ERCC6L: variants seen among roughly 807,000 people sequenced by gnomAD.
ERCC6L encodes the protein DNA excision repair protein ERCC-6-like.
ERCC6L carries 7 observed loss-of-function variants against 20.1 expected under a neutral mutation model. The observed-to-expected ratio is 0.35, with a 90% CI of 0.20 to 0.65. The LOEUF (loss-of-function observed/expected upper bound fraction) is 0.65, where lower values mean the gene tolerates loss of function less well. Among genes scored for constraint, ERCC6L ranks in the 30% least tolerant of loss-of-function variants. ERCC6L has a pLI of 0.69. For synonymous variants in ERCC6L, 278 were observed against 331.3 expected, an observed-to-expected ratio of 0.84 and a Z score of 1.75; for missense variants, 592 against 892.4, an observed-to-expected ratio of 0.66 and a Z score of 4.29.
In ERCC6L at chrX:72,238,953, A is replaced by T. The variant is rs774646554; in HGVS notation, c.-42T>A. 1.4e-5 allele frequency: 13 copies of T among 958,222 alleles called. No individual in the cohort carries two copies. The South Asian group carries it at 2.7e-4, about 20-fold the overall frequency. 79.0% of individuals were successfully genotyped at this position (958,222 alleles called of 1,213,427 possible). A position where few individuals can be genotyped will look rare whatever the true frequency, so the allele number is the denominator to read the frequency against. ...TCCAGTTACCCCGGCGGGAGTTTGG[A>T]GCTTGGAGCTTGGAGCTTGGAGCTT... On this transcript the variant is annotated 5_prime_UTR_variant, in exon 1 of 2. Transcript: ENST00000334463.
At chrX:72,233,218 A>T (rs1238686314) in intron 1 of ERCC6L, among the ~76,000 whole-genome samples, 1 of 111,884 alleles carries the variant, frequency 8.9e-6, no homozygotes, top group East Asian at 2.8e-4. Flanking sequence ...TATTCATGCC[A>T]AAAATATTGA....
intron 1 of ERCC6L, among the ~76,000 whole-genome samples, chrX:72,231,233 T>G (rs1420833926): frequency 8.9e-6 from 1 of 112,047 alleles, no homozygotes; most frequent in East Asian, 2.8e-4. Context: ...AATGAAAAAT[T>G]ATTCAGCCGT....
Position 72,206,972 on chromosome X carries a change from C to G in ERCC6L, c.1795G>C (p.Val599Leu), listed in dbSNP as rs2042824462. 2 of 1,210,727 alleles carry G rather than the reference C, an allele frequency of 1.7e-6. No individual in the cohort carries two copies. Among genetic ancestry groups the G allele is most frequent in the Non-Finnish European group, 2.2e-6 (2 of 895,176 alleles). ...TVEEKIYRRQ[V>L]FKDSLIRQTT... is the part of the protein sequence containing the mutation. ...TGTCTTATTAATGAGTCCTTGAAAA[C>G]CTGTCTTCTGTATATTTTTTCCTCT... Residue 599 changes from valine (V) to leucine (L), a missense_variant, in exon 2 of 2, where the codon GTT becomes CTT. This residue lies in a region of ERCC6L where 196 missense variants were observed against 440.1 expected (regional missense o/e 0.45). Transcript: ENST00000334463.
In ERCC6L at chrX:72,206,665, A is replaced by G. The variant is rs964737805; in HGVS notation, c.2102T>C (p.Val701Ala). 1.7e-6 allele frequency: 2 copies of G among 1,211,227 alleles called. No homozygotes were observed. Among genetic ancestry groups the G allele is most frequent in the Admixed American group, 4.4e-5 (2 of 45,967 alleles). The change falls in exon 2 of 2, where the codon GTT becomes GCT. Residue 701 changes from valine (V) to alanine (A), a missense_variant. Transcript: ENST00000334463. ...VEESHYIQQR[V>A]QKAQFLVEFE... Reference sequence around the variant, plus strand: ...TTCAACGAGGAATTGAGCTTTCTGAACCCTTTGTTGAATATAGTGAGATTC... The same window carrying G: ...TTCAACGAGGAATTGAGCTTTCTGAGCCCTTTGTTGAATATAGTGAGATTC...
intron 1 of ERCC6L, among the ~76,000 whole-genome samples, chrX:72,224,700 A>C (rs1476467711): frequency 9.0e-6 from 1 of 111,480 alleles, no homozygotes; most frequent in Non-Finnish European, 1.9e-5. Context: ...AGCCAAGATC[A>C]CGCCATTGTA....
At chrX:72,233,511 A>T (rs775041742) in intron 1 of ERCC6L, among the ~76,000 whole-genome samples, 2 of 109,602 alleles carry the variant, frequency 1.8e-5, no homozygotes, top group Admixed American at 2.0e-4. Flanking sequence ...ATCACTGGTC[A>T]GGAGTTCAGG....
chrX:72,222,681 T>C (rs1317859267), intron 1 of ERCC6L, among the ~76,000 whole-genome samples: 1 of 100,039 alleles, frequency 1.0e-5, no homozygotes, highest in Admixed American at 1.1e-4. Context: ...CACTGCAACC[T>C]CCGCCTCCCA....
chrX:72,224,918 C>A (rs2042945937), intron 1 of ERCC6L, among the ~76,000 whole-genome samples: 1 of 111,267 alleles, frequency 9.0e-6, no homozygotes. Context: ...TAATGGATTA[C>A]AGGGACTCAA....
chrX:72,212,380 C>T lies in ERCC6L; in HGVS notation c.69-3682G>A, dbSNP rs921412325. Among the ~76,000 whole-genome samples, 3 of 111,843 alleles carry T rather than the reference C, an allele frequency of 2.7e-5. No homozygotes were observed. The Admixed American group carries it at 2.9e-4, about 11-fold the overall frequency. ...ATTAACCTCTCAACATCTAATCCACCTCCCTTTGGAACTGGCTGATACCTT... is the reference window on the plus strand; with the variant it reads ...ATTAACCTCTCAACATCTAATCCACTTCCCTTTGGAACTGGCTGATACCTT... On this transcript the variant is annotated intron_variant, in intron 1 of 1. Transcript: ENST00000334463.
At position 72,208,410 on chromosome X, in the gene ERCC6L, T is replaced by C. The variant is rs901022791; in HGVS notation, c.357A>G (p.Ile119Met). 5.8e-6 allele frequency: 7 copies of C among 1,211,845 alleles called. No homozygotes were observed. Among genetic ancestry groups the C allele is most frequent in the Non-Finnish European group, 7.8e-6 (7 of 895,519 alleles). Reference protein sequence around the residue: ...SLYRDGRKGGILADDMGLGKT... With the variant: ...SLYRDGRKGGMLADDMGLGKT... ...TCCCTAATCCCATATCATCAGCCAA[T>C]ATACCACCTTTTCTTCCATCCCTAT... Residue 119 changes from isoleucine to methionine, a missense_variant, in exon 2 of 2, where the codon ATA becomes ATG. This residue lies in a region of ERCC6L where 196 missense variants were observed against 440.1 expected (regional missense o/e 0.45). Coordinates refer to ENST00000334463, the MANE Select transcript of ERCC6L (RefSeq NM_017669.4).
chrX:72,238,716 A>T, intron 1 of ERCC6L, 128 bp downstream of exon 1: 1 of 577,136 alleles, frequency 1.7e-6, no homozygotes, highest in Non-Finnish European at 2.7e-6. Flanking sequence ...TACTGCGAGA[A>T]GAGCGCGAGC....
At chrX:72,215,480 T>G (rs2042882716) in intron 1 of ERCC6L, among the ~76,000 whole-genome samples, 1 of 111,999 alleles carries the variant, frequency 8.9e-6, no homozygotes, top group African/African-American at 3.2e-5. Context: ...CAATTTACTT[T>G]GAAATGTATC....
Position 72,206,657 on chromosome X carries a change from C to T in ERCC6L, c.2110G>A (p.Ala704Thr). The change falls in exon 2 of 2, where the codon GCT becomes ACT. Residue 704 changes from alanine (A) to threonine (T), a missense_variant. Ala to Thr is a moderately conservative substitution (Grantham distance 58, BLOSUM62 0). Around this residue, in one of 3 missense-constraint regions of ERCC6L, gnomAD observed 352 missense variants for 402.6 expected, o/e 0.87. Coordinates refer to ENST00000334463, the MANE Select transcript of ERCC6L (RefSeq NM_017669.4). ...SHYIQQRVQK[A>T]QFLVEFESQN... ...GACTCGAATTCAACGAGGAATTGAG[C>T]TTTCTGAACCCTTTGTTGAATATAG... 8.3e-7 allele frequency: 1 copy of T among 1,211,555 alleles called. No individual in the cohort carries two copies.
Position 72,204,745 on chromosome X carries a change from C to A in ERCC6L, c.*269G>T. 5.0e-6 allele frequency: 1 copy of A among 199,707 alleles called. No individual in the cohort carries two copies. 16.5% of individuals were successfully genotyped at this position (199,707 alleles called of 1,213,427 possible). ...CTTTCAGAGTAAAATTAAGAATGAC[C>A]AGAATAATTTTACAAAACTTTCCAA... On this transcript the variant is annotated 3_prime_UTR_variant, in exon 2 of 2. Coordinates refer to ENST00000334463, the MANE Select transcript of ERCC6L (RefSeq NM_017669.4).
intron 1 of ERCC6L, among the ~76,000 whole-genome samples, chrX:72,218,169 C>T (rs1354308102): frequency 1.9e-5 from 2 of 108,032 alleles, no homozygotes; most frequent in Non-Finnish European, 3.8e-5. Context: ...ACTCAGGAGG[C>T]TGAGGCAGGA....
chrX:72,232,822 T>G, intron 1 of ERCC6L, among the ~76,000 whole-genome samples: 1 of 109,939 alleles, frequency 9.1e-6, no homozygotes, highest in South Asian at 3.9e-4. Flanking sequence ...GAAAAGAAAA[T>G]CACCACTTTG....
intron 1 of ERCC6L, 34 bp downstream of exon 1, chrX:72,238,810 G>A (rs2043032387): frequency 8.6e-7 from 1 of 1,157,539 alleles, no homozygotes; most frequent in Non-Finnish European, 1.2e-6. Flanking sequence ...GGGCCAGGTC[G>A]GTTAGCTAGA....
At chrX:72,238,823 C>A in intron 1 of ERCC6L, 21 bp downstream of exon 1, 1 of 1,175,140 alleles carries the variant, frequency 8.5e-7, no homozygotes, top group Non-Finnish European at 1.1e-6. Context: ...TAGCTAGACC[C>A]GCCCAGCGGT....
At chrX:72,232,764 C>T (rs891431874) in intron 1 of ERCC6L, among the ~76,000 whole-genome samples, 3 of 111,518 alleles carry the variant, frequency 2.7e-5, no homozygotes, top group East Asian at 2.8e-4. Context: ...GAGCTGAGAT[C>T]GCGTCATTGT....
Sources: gnomAD v4.1 joint callset for allele counts (sites outside exome capture counted in the v4.1 genomes callset) on GRCh38, gnomAD v4.1.1 for gene constraint, gnomAD v4.1.1 regional missense constraint, MANE v1.5 for transcripts, NCBI Gene and HGNC (gene_info 2026-07-23, HGNC 2026-07-21) for gene names.